LNPEP: variants seen among roughly 807,000 people sequenced by gnomAD.
LNPEP encodes leucyl and cystinyl aminopeptidase, also known as leucyl-cystinyl aminopeptidase.
A neutral mutation model predicts 120.6 loss-of-function variants in LNPEP; 64 were observed. The ratio of observed to expected loss-of-function variants is 0.53; its 90% CI spans 0.43 to 0.65. The LOEUF (loss-of-function observed/expected upper bound fraction) is 0.65, where lower values mean the gene tolerates loss of function less well. Ranked by LOEUF, LNPEP falls within the 30% of genes least tolerant of loss-of-function variation. The pLI is 0.00. For missense variants in LNPEP, 1,057 were observed against 1,200.0 expected (o/e 0.88, Z 1.76); for synonymous variants, 435 against 425.4 (o/e 1.02, Z -0.28).
In LNPEP at chr5:97,024,652, C is replaced by T. The variant is rs769804110; in HGVS notation, c.2693C>T (p.Ala898Val). The T allele has an allele frequency of 1.9e-6, 3 of 1,613,920 alleles. No homozygotes were observed. The highest frequency in any genetic ancestry group is 2.5e-6 in the Non-Finnish European group (3 of 1,179,896). ...AEKNKILEAL[A>V]SSEDVRKLYW... ...AAGAACAAAATACTAGAAGCACTTG[C>T]CAGCTCAGAGGATGTGCGGAAGCTT... The change falls in exon 15 of 18, where the codon GCC becomes GTC. Residue 898 changes from alanine (A) to valine (V), a missense_variant. By Grantham distance (64) the Ala-to-Val change is moderately conservative. Coordinates refer to ENST00000231368, the MANE Select transcript of LNPEP (RefSeq NM_005575.3).
chr5:96,957,046 GTTC>G (rs1180398730), intron 1 of LNPEP, among the ~76,000 whole-genome samples: 4 of 152,020 alleles, frequency 2.6e-5, no homozygotes, highest in Non-Finnish European at 4.4e-5. Flanking sequence ...ATTTCAATAT[GTTC>G]TTCTTTACCT....
At chr5:96,983,579 G>T (rs956757612) in intron 2 of LNPEP, among the ~76,000 whole-genome samples, 1 of 152,064 alleles carries the variant, frequency 6.6e-6, no homozygotes, top group Admixed American at 6.6e-5. Flanking sequence ...CTGAGTAGCT[G>T]GGATTACAGG....
chr5:97,030,217 T>C lies in LNPEP; in HGVS notation c.*1684T>C, dbSNP rs2112679986. Reference sequence around the variant, plus strand: ...GTGTTTTCCCCAATTTAGTCTTTTCTAAAATTTATCTGTTTTAGAGTAGAA... The same window carrying C: ...GTGTTTTCCCCAATTTAGTCTTTTCCAAAATTTATCTGTTTTAGAGTAGAA... On this transcript the variant is annotated 3_prime_UTR_variant, in exon 18 of 18. Transcript: ENST00000231368. The C allele has an allele frequency of 6.6e-6, 1 of 152,276 alleles. No individual in the cohort carries two copies. Among genetic ancestry groups the C allele is most frequent in the African/African-American group, 2.4e-5 (1 of 41,590 alleles). The allele number at this position is 152,276 out of a possible 1,614,324, so 9.4% of individuals were successfully genotyped here.
chr5:96,990,367 G>A (rs570016368), intron 4 of LNPEP, among the ~76,000 whole-genome samples: 16 of 152,114 alleles, frequency 1.1e-4, no homozygotes, highest in Admixed American at 4.6e-4. Context: ...AATGAAGTAC[G>A]GTTGGCTACA....
At chr5:96,982,806 T>C (rs775817265) in intron 2 of LNPEP, among the ~76,000 whole-genome samples, 21 of 152,094 alleles carry the variant, frequency 1.4e-4, no homozygotes, top group Non-Finnish European at 2.6e-4. Flanking sequence ...AACAAAAGAA[T>C]ACAAAACAAA....
At chr5:96,973,375 C>T (rs1789915938) in intron 1 of LNPEP, among the ~76,000 whole-genome samples, 1 of 151,784 alleles carries the variant, frequency 6.6e-6, no homozygotes, top group African/African-American at 2.4e-5. Context: ...AGAGTATTCT[C>T]ATTAGGGAAA....
At chr5:97,021,900 G>T (rs530955980) in intron 13 of LNPEP, among the ~76,000 whole-genome samples, 209 of 123,264 alleles carry the variant, frequency 1.7e-3, no homozygotes, top group African/African-American at 4.5e-3. Context: ...TTGTCCTGGG[G>T]TTTTTTTTGT....
intron 1 of LNPEP, among the ~76,000 whole-genome samples, chr5:96,948,370 G>A (rs566652410): frequency 1.3e-5 from 2 of 152,206 alleles, no homozygotes; most frequent in South Asian, 4.1e-4. Flanking sequence ...TGCCTTTCTC[G>A]GCCTCCCAAA....
At chr5:96,954,928 G>A (rs371324277) in intron 1 of LNPEP, among the ~76,000 whole-genome samples, 5 of 149,216 alleles carry the variant, frequency 3.4e-5, no homozygotes, top group East Asian at 3.9e-4. Flanking sequence ...GACTACCGGC[G>A]CCTGCCACCA....
At chr5:97,021,728 A>T (rs1268428764) in intron 13 of LNPEP, among the ~76,000 whole-genome samples, 1 of 152,038 alleles carries the variant, frequency 6.6e-6, no homozygotes, top group African/African-American at 2.4e-5. Context: ...AGTTAACATC[A>T]CTAAAAGTCC....
intron 13 of LNPEP, among the ~76,000 whole-genome samples, chr5:97,020,540 C>T (rs551589439): frequency 6.6e-6 from 1 of 152,218 alleles, no homozygotes; most frequent in East Asian, 1.9e-4. Flanking sequence ...TGGTGGCTCA[C>T]GCCCGTAATC....
chr5:97,003,429 G>A lies in LNPEP; in HGVS notation c.1668G>A (p.Leu556=). 6.5e-7 allele frequency: 1 copy of A among 1,547,354 alleles called. No homozygotes were observed. The highest frequency in any genetic ancestry group is 8.8e-7 in the Non-Finnish European group (1 of 1,136,398). The stretch of plus-strand genomic sequence containing the variant: ...TTTTTTAATAGGGATCTTCTCTCTT[G>A]TTGATGTTGAAAACTTACCTTAGTG... ...SLSYFKGSSL[L]LMLKTYLSED... Residue 556 remains leucine, a synonymous_variant, in exon 9 of 18, where the codon TTG becomes TTA. Transcript: ENST00000231368.
chr5:96,979,085 T>A (rs1287320376), intron 1 of LNPEP, 53 bp from the exon 2 acceptor site: 2 of 1,521,964 alleles, frequency 1.3e-6, no homozygotes, highest in Admixed American at 2.2e-5. Flanking sequence ...ATTAATATTA[T>A]GAGCTTTTTT....
At chr5:96,951,307 G>A (rs1581978290) in intron 1 of LNPEP, among the ~76,000 whole-genome samples, 1 of 151,998 alleles carries the variant, frequency 6.6e-6, no homozygotes, top group Non-Finnish European at 1.5e-5. Context: ...CACCCAGGCT[G>A]GAGTGCAGTG....
At chr5:96,993,351 A>G (rs1249764257) in intron 5 of LNPEP, among the ~76,000 whole-genome samples, 1 of 152,190 alleles carries the variant, frequency 6.6e-6, no homozygotes, top group Non-Finnish European at 1.5e-5. Flanking sequence ...TAGGGCTGCT[A>G]AAAAGGTGCT....
intron 1 of LNPEP, among the ~76,000 whole-genome samples, chr5:96,944,229 T>C (rs574085463): frequency 1.3e-5 from 2 of 152,346 alleles, no homozygotes; most frequent in African/African-American, 4.8e-5. Context: ...TATTCATCAA[T>C]GAAACATCAT....
At chr5:96,980,070 T>TA in intron 2 of LNPEP, 92 bp downstream of exon 2, 1 of 722,216 alleles carries the variant, frequency 1.4e-6, no homozygotes, top group Non-Finnish European at 2.0e-6. Flanking sequence ...CGAATTGTGA[T>TA]TTTTTTTTTT....
chr5:96,941,827 G>A (rs1219211803), intron 1 of LNPEP, among the ~76,000 whole-genome samples: 12 of 152,210 alleles, frequency 7.9e-5, no homozygotes, highest in Non-Finnish European at 1.6e-4. Context: ...ATTGGAAGAG[G>A]AGAATCAATG....
chr5:96,987,988 C>T (rs999737275), intron 4 of LNPEP, among the ~76,000 whole-genome samples: 4 of 152,182 alleles, frequency 2.6e-5, no homozygotes, highest in Admixed American at 2.6e-4. Flanking sequence ...CTTTCCCCAG[C>T]TGGAATTAAT....
Sources: allele counts gnomAD v4.1 joint callset (sites outside exome capture counted in the v4.1 genomes callset), GRCh38; gene constraint gnomAD v4.1.1; transcripts MANE v1.5; gene names NCBI Gene and HGNC (gene_info 2026-07-23, HGNC 2026-07-21).